Variants in PIGU observed in about 807,000 individuals in gnomAD.
The protein encoded by PIGU is phosphatidylinositol glycan anchor biosynthesis class U.
A neutral mutation model predicts 49.9 loss-of-function variants in PIGU; 24 were observed. The observed-to-expected ratio is 0.48, with a 90% confidence interval of 0.35 to 0.68. PIGU has a LOEUF of 0.68. Among genes scored for constraint, PIGU ranks in the 30% least tolerant of loss-of-function variants. PIGU has a pLI of 0.01. For synonymous variants in PIGU, 220 were observed against 205.7 expected (o/e 1.07, Z -0.59); for missense variants, 490 against 532.6 (o/e 0.92, Z 0.79).
chr20:34,569,092 T>C (rs1982896262), intron 11 of PIGU, among the ~76,000 whole-genome samples: 3 of 151,820 alleles, frequency 2.0e-5, no homozygotes. Flanking sequence ...TAGTTCTAGC[T>C]ACTTGGGAGG....
At position 34,632,211 on chromosome 20, in the gene PIGU, C is replaced by T. The variant is rs555603865; in HGVS notation, c.529+2404G>A. On this transcript the variant is annotated intron_variant, in intron 6 of 11. Coordinates refer to ENST00000217446, the MANE Select transcript of PIGU (RefSeq NM_080476.5). ...TGACCATAAAACTGCTCAATAGCTA[C>T]CAAGATACTAGAAGACAATGAAGCA... 3.4e-3 allele frequency among the ~76,000 whole-genome samples: 514 copies of T among 151,884 alleles called. 1 individual carries two copies. Among genetic ancestry groups the T allele is most frequent in the Non-Finnish European group, 5.4e-3 (367 of 67,950 alleles).
intron 11 of PIGU, among the ~76,000 whole-genome samples, chr20:34,561,675 C>T (rs1212509633): frequency 6.6e-6 from 1 of 152,126 alleles, no homozygotes; most frequent in Non-Finnish European, 1.5e-5. Flanking sequence ...GCTTCCCAAG[C>T]CTTAGGGCAA....
chr20:34,561,701 G>A (rs1489826752), intron 11 of PIGU, among the ~76,000 whole-genome samples: 11 of 151,970 alleles, frequency 7.2e-5, no homozygotes, highest in Non-Finnish European at 1.5e-4. Context: ...GAACTCCCTC[G>A]TGCTCTGAGA....
intron 2 of PIGU, among the ~76,000 whole-genome samples, chr20:34,651,540 T>C (rs1318985252): frequency 1.3e-5 from 2 of 152,192 alleles, no homozygotes; most frequent in Non-Finnish European, 2.9e-5. Flanking sequence ...TTTTTTCCTT[T>C]TTTCATATTC....
chr20:34,633,745 A>G (rs1275682587), intron 6 of PIGU, among the ~76,000 whole-genome samples: 5 of 151,382 alleles, frequency 3.3e-5, no homozygotes, highest in Admixed American at 2.6e-4. Context: ...TTTTTTTCCT[A>G]TTTTTAGTAG....
intron 2 of PIGU, among the ~76,000 whole-genome samples, chr20:34,651,833 G>A (rs986741684): frequency 6.6e-6 from 1 of 152,152 alleles, no homozygotes; most frequent in South Asian, 2.1e-4. Context: ...GACAGCTCCG[G>A]TGGCTCACAC....
intron 6 of PIGU, among the ~76,000 whole-genome samples, chr20:34,628,639 T>A (rs930337457): frequency 1.3e-5 from 2 of 151,816 alleles, no homozygotes; most frequent in Middle Eastern, 3.2e-3. Flanking sequence ...TCACTTGAGG[T>A]CAGGAGTTCA....
intron 6 of PIGU, 84 bp from the exon 7 acceptor site, chr20:34,616,223 T>C: frequency 6.9e-7 from 1 of 1,443,982 alleles, no homozygotes; most frequent in Non-Finnish European, 9.3e-7. Flanking sequence ...CACAAAACTT[T>C]CCATAACTGC....
In PIGU at chr20:34,637,962, TAGG is replaced by T. The variant is rs766854786; in HGVS notation, c.339_341del (p.Leu114del). The T allele has an allele frequency of 6.4e-7, 1 of 1,573,438 alleles. No individual in the cohort carries two copies. Among genetic ancestry groups the T allele is most frequent in the Non-Finnish European group, 8.6e-7 (1 of 1,167,982 alleles). ...CATCTGGGGCATACTGGTCCAGTTC[TAGG>T]AGGAGTTTCTGCTTTTTAAACTAGA... On this transcript the variant is annotated inframe_deletion, in exon 5 of 12. Coordinates refer to ENST00000217446, the MANE Select transcript of PIGU (RefSeq NM_080476.5).
In PIGU at chr20:34,676,951, C is replaced by T. The variant is rs1251799794; in HGVS notation, c.130+5G>A. On this transcript the variant is annotated splice_donor_5th_base_variant and intron_variant, in intron 1 of 11. Coordinates refer to ENST00000217446, the MANE Select transcript of PIGU (RefSeq NM_080476.5). Reference sequence around the variant, plus strand: ...CTGACAGTCTGCTCGAGCCAGTGGCCTCACCTCTCTTCCAAGAGCTCAGTG... The same window carrying T: ...CTGACAGTCTGCTCGAGCCAGTGGCTTCACCTCTCTTCCAAGAGCTCAGTG... 1 of 1,567,768 alleles carries T rather than the reference C, an allele frequency of 6.4e-7. No individual in the cohort carries two copies. Among genetic ancestry groups the T allele is most frequent in the Non-Finnish European group, 8.6e-7 (1 of 1,157,342 alleles).
intron 11 of PIGU, among the ~76,000 whole-genome samples, chr20:34,564,530 T>C (rs545736898): frequency 1.5e-4 from 23 of 152,270 alleles, no homozygotes; most frequent in Admixed American, 6.5e-4. Flanking sequence ...CAATGACCTA[T>C]TGTTGTATGT....
intron 4 of PIGU, among the ~76,000 whole-genome samples, chr20:34,639,149 C>T (rs538136962): frequency 4.7e-4 from 72 of 152,268 alleles, no homozygotes; most frequent in African/African-American, 1.7e-3. Flanking sequence ...TGCCTGTAAT[C>T]CCAGCACTTT....
intron 7 of PIGU, among the ~76,000 whole-genome samples, chr20:34,610,182 A>G (rs1243568040): frequency 6.6e-6 from 1 of 152,204 alleles, no homozygotes; most frequent in Non-Finnish European, 1.5e-5. Flanking sequence ...CCTATTCAAC[A>G]TAGTATTAGA....
At chr20:34,600,620 A>C (rs1376620146) in intron 7 of PIGU, among the ~76,000 whole-genome samples, 1 of 152,236 alleles carries the variant, frequency 6.6e-6, no homozygotes, top group East Asian at 1.9e-4. Flanking sequence ...AGAAAAAAAA[A>C]ATACCCTCTA....
chr20:34,665,862 T>C (rs1359922674), intron 1 of PIGU, among the ~76,000 whole-genome samples: 2 of 151,928 alleles, frequency 1.3e-5, no homozygotes, highest in Admixed American at 1.3e-4. Flanking sequence ...CTACTCTCCA[T>C]AGAAAAGAAT....
intron 1 of PIGU, among the ~76,000 whole-genome samples, chr20:34,659,323 G>A: frequency 6.8e-6 from 1 of 146,730 alleles, no homozygotes; most frequent in African/African-American, 2.6e-5. Flanking sequence ...CCCCCGCCCG[G>A]CCAGCCGCCC....
chr20:34,592,487 AAG>A (rs1433066831), intron 7 of PIGU, among the ~76,000 whole-genome samples: 1 of 151,912 alleles, frequency 6.6e-6, no homozygotes, highest in African/African-American at 2.4e-5. Context: ...AGAAATGTAA[AAG>A]AGAGCATAAC....
chr20:34,676,420 G>A (rs1987498892), intron 1 of PIGU, among the ~76,000 whole-genome samples: 1 of 152,096 alleles, frequency 6.6e-6, no homozygotes, highest in Non-Finnish European at 1.5e-5. Context: ...AACAATGTTC[G>A]GTGAAGAACT....
rs758838075 is a variant in PIGU at position 34,581,567 on chromosome 20, C to A, written c.1032G>T (p.Val344=). The change falls in exon 10 of 12, where the codon GTG becomes GTT. Residue 344 remains valine (V), a synonymous_variant. Transcript: ENST00000217446. ...DVALYMAFFP[V]WNHLYRFLRN... is the part of the protein sequence containing the mutation. ...ACTCACATCTGTAGAGATGGTTCCACACGGGGAAGAAGGCCATGTAGAGCG... is the reference window on the plus strand; with the variant it reads ...ACTCACATCTGTAGAGATGGTTCCAAACGGGGAAGAAGGCCATGTAGAGCG... 12 of 1,613,452 alleles carry A rather than the reference C, an allele frequency of 7.4e-6. No homozygotes were observed. In the African/African-American group the frequency reaches 1.6e-4, roughly 22 times the overall value.
Sources: allele counts gnomAD v4.1 joint callset (sites outside exome capture counted in the v4.1 genomes callset), GRCh38; gene constraint gnomAD v4.1.1; transcripts MANE v1.5; gene names NCBI Gene and HGNC (gene_info 2026-07-23, HGNC 2026-07-21).